The following NBPF26 variants were observed in gnomAD, a reference collection of about 807,000 sequenced individuals.
NBPF26 encodes the protein NBPF member 26, also known as NBPF family member NBPF26.
In NBPF26, 79 loss-of-function variants were observed where a neutral mutation model predicts 119.6. The ratio of observed to expected loss-of-function variants is 0.66; its 90% CI spans 0.55 to 0.80. The LOEUF is 0.80. NBPF26 is among the 30% of genes least tolerant of loss of function. NBPF26 has a pLI of 0.00. For missense variants in NBPF26, 800 were observed against 1,198.2 expected, an observed-to-expected ratio of 0.67 and a Z score of 4.91; for synonymous variants, 299 against 457.7, an observed-to-expected ratio of 0.65 and a Z score of 4.43.
rs1651826573 is a variant in NBPF26, at chr1:120,810,256, A to T, written c.1353-91A>T. On this transcript the variant is annotated intron_variant, in intron 8 of 29. Coordinates refer to ENST00000620612, the Ensembl canonical transcript of NBPF26. ...TTTTGCTTTCTGGAACCACTCTCTT[A>T]ATGCCGCCTGTCAAAACCAGCTAGG... The T allele has an allele frequency of 2.8e-6, 4 of 1,422,466 alleles. No homozygotes were observed. The South Asian group carries it at 4.7e-5, about 17-fold the overall frequency. The allele number at this position is 1,422,466 out of a possible 1,614,324, so 88.1% of individuals were successfully genotyped here.
Position 120,840,378 on chromosome 1 carries a change from GAGCCTGA to G in NBPF26, c.4135_4141del (p.Pro1379SerfsTer51), listed in dbSNP as rs1177354088. On this transcript the variant is annotated frameshift_variant, in exon 30 of 30. Coordinates refer to ENST00000620612, the Ensembl canonical transcript of NBPF26. LOFTEE classifies it low-confidence loss of function (END_TRUNC). ...CAACAGCATGCTGATGGAAGTGGAA[GAGCCTGA>G]AGTCTTGCAGGACTCACTGGATATA... 1 of 1,460,826 alleles carries G rather than the reference GAGCCTGA, an allele frequency of 6.8e-7. No individual in the cohort carries two copies. Among genetic ancestry groups the G allele is most frequent in the East Asian group, 2.3e-5 (1 of 44,242 alleles). 90.5% of individuals were successfully genotyped at this position (1,460,826 alleles called of 1,614,324 possible).
In NBPF26 at chr1:120,804,641, A is replaced by T. The variant is rs1317466749; in HGVS notation, c.752-915A>T. Reference sequence around the variant, plus strand: ...AGAGGTCTTGTGGCACTAGAATGACATCTATAAGTGACAAGTTTAAAATGT... The same window carrying T: ...AGAGGTCTTGTGGCACTAGAATGACTTCTATAAGTGACAAGTTTAAAATGT... On this transcript the variant is annotated intron_variant, in intron 4 of 29. Transcript: ENST00000620612. 2.5e-5 allele frequency among the ~76,000 whole-genome samples: 3 copies of T among 119,884 alleles called. 1 individual carries two copies. Among genetic ancestry groups the T allele is most frequent in the Non-Finnish European group, 4.9e-5 (3 of 60,888 alleles). The allele number at this position is 119,884 out of a possible 152,430, so 78.6% of individuals were successfully genotyped here.
chr1:120,823,903 T>C, intron 17 of NBPF26, 71 bp from the exon 18 acceptor site: 1 of 475,694 alleles, frequency 2.1e-6, no homozygotes, highest in Non-Finnish European at 3.7e-6. Context: ...ACATTAGCCA[T>C]GAAATCTAGC....
intron 1 of NBPF26, among the ~76,000 whole-genome samples, chr1:120,750,032 T>C (rs1189329212): frequency 2.0e-4 from 12 of 60,418 alleles, no homozygotes; most frequent in Middle Eastern, 6.0e-3. Context: ...GGTGGTTACC[T>C]ACCTGAGAAT....
At position 120,790,644 on chromosome 1, in the gene NBPF26, T is replaced by C. The variant is rs1213726380; in HGVS notation, c.416-2517T>C. On this transcript the variant is annotated intron_variant, in intron 3 of 29. Coordinates refer to ENST00000620612, the Ensembl canonical transcript of NBPF26. ...TCTGTCTTTCTTTCTTCTCACTCTG[T>C]TGCTTAGTACAGTGGCGCAGTCTCG... 1.8e-5 allele frequency among the ~76,000 whole-genome samples: 2 copies of C among 108,688 alleles called. 1 individual carries two copies. Among genetic ancestry groups the C allele is most frequent in the Non-Finnish European group, 3.4e-5 (2 of 57,984 alleles). The allele number at this position is 108,688 out of a possible 152,430, so 71.3% of individuals were successfully genotyped here. A position where few individuals can be genotyped will look rare whatever the true frequency, so the allele number is the denominator to read the frequency against.
At position 120,805,173 on chromosome 1, in the gene NBPF26, C is replaced by T. The variant is rs1338789187; in HGVS notation, c.752-383C>T. On this transcript the variant is annotated intron_variant, in intron 4 of 29. Coordinates refer to ENST00000620612, the Ensembl canonical transcript of NBPF26. ...AGAGTGAATGCTGAAGGAATGATCC[C>T]CATTGGTGGTGACCCTCAGGTGAGA... Among the ~76,000 whole-genome samples, 7 of 118,842 alleles carry T rather than the reference C, an allele frequency of 5.9e-5. 2 individuals are homozygous for T. The highest frequency in any genetic ancestry group is 4.2e-4 in the East Asian group (2 of 4,806). 78.0% of individuals were successfully genotyped at this position (118,842 alleles called of 152,430 possible). A position where few individuals can be genotyped will look rare whatever the true frequency, so the allele number is the denominator to read the frequency against.
In NBPF26 at chr1:120,752,591, G is replaced by C. The variant is rs1476227707; in HGVS notation, c.74-11037G>C. On this transcript the variant is annotated intron_variant, in intron 1 of 29. Coordinates refer to ENST00000620612, the Ensembl canonical transcript of NBPF26. ...TTTTTTTTTCTTTTTTTTTTTTTCA[G>C]GCAGAGTCTTGCTCTGTCGCCCAGG... 3.1e-3 allele frequency among the ~76,000 whole-genome samples: 35 copies of C among 11,368 alleles called. 2 individuals carry two copies. Among genetic ancestry groups the C allele is most frequent in the African/African-American group, 0.023 (30 of 1,294 alleles). The allele number at this position is 11,368 out of a possible 152,430, so 7.5% of individuals were successfully genotyped here.
rs1343289990 is a variant in NBPF26 at position 120,811,152 on chromosome 1, G to A, written c.1564+594G>A. On this transcript the variant is annotated intron_variant, in intron 9 of 29. Transcript: ENST00000620612. ...AGTCCCAGCTACTCAGGAGGCTGAG[G>A]CAGGAGAATGGCATGAACCCAGGAA... Among the ~76,000 whole-genome samples the A allele has an allele frequency of 7.5e-5, 8 of 106,942 alleles. 2 individuals carry two copies. Among genetic ancestry groups the A allele is most frequent in the Admixed American group, 1.8e-4 (2 of 11,348 alleles). 70.2% of individuals were successfully genotyped at this position (106,942 alleles called of 152,430 possible).
chr1:120,811,690 T>G (rs1213368923), intron 9 of NBPF26, among the ~76,000 whole-genome samples, 196 bp from the exon 10 acceptor site: 2 of 113,640 alleles, frequency 1.8e-5, no homozygotes, highest in Non-Finnish European at 3.4e-5. Context: ...AGTGTTTATG[T>G]CTTGGTTTCA....
At chr1:120,792,608 T>C (rs1355912811) in intron 3 of NBPF26, among the ~76,000 whole-genome samples, 1 of 109,098 alleles carries the variant, frequency 9.2e-6, no homozygotes, top group African/African-American at 5.0e-5. Context: ...TTCAAGTGAT[T>C]CTTCTGCCTC....
intron 16 of NBPF26, among the ~76,000 whole-genome samples, chr1:120,822,898 G>A (rs1325926641): frequency 8.2e-6 from 1 of 122,018 alleles, no homozygotes; most frequent in Admixed American, 7.9e-5. Flanking sequence ...TCAAGAGCTG[G>A]TACATTGCAC....
rs1213666258 is a variant in NBPF26, at chr1:120,784,884, C to T, written c.156-90C>T. The T allele has an allele frequency of 1.5e-5, 16 of 1,032,610 alleles. 6 individuals are homozygous for T. Among genetic ancestry groups the T allele is most frequent in the Non-Finnish European group, 2.2e-5 (16 of 723,894 alleles). 64.0% of individuals were successfully genotyped at this position (1,032,610 alleles called of 1,614,324 possible). ...AGGTCTGTTGATTCACAATCTCGTGCTTTCTTGATTGGACTGTATTGTTTT... is the reference window on the plus strand; with the variant it reads ...AGGTCTGTTGATTCACAATCTCGTGTTTTCTTGATTGGACTGTATTGTTTT... On this transcript the variant is annotated intron_variant, in intron 2 of 29. Coordinates refer to ENST00000620612, the Ensembl canonical transcript of NBPF26.
chr1:120,811,968 C>T lies in NBPF26; in HGVS notation c.1647C>T (p.Asn549=). Residue 549 remains asparagine, a synonymous_variant, in exon 10 of 30, where the codon AAC becomes AAT. Transcript: ENST00000620612. ...TGTCCGGCGAGAAGGCAGCGATAAA[C>T]ATTCTAGAAATCAATGAGAAATTGC... 16 of 1,236,774 alleles carry T rather than the reference C, an allele frequency of 1.3e-5. 4 individuals carry two copies. The highest frequency in any genetic ancestry group is 1.8e-5 in the Non-Finnish European group (16 of 896,740). 76.6% of individuals were successfully genotyped at this position (1,236,774 alleles called of 1,614,324 possible). A position where few individuals can be genotyped will look rare whatever the true frequency, so the allele number is the denominator to read the frequency against.
At chr1:120,782,045 C>T (rs1202122556) in intron 2 of NBPF26, among the ~76,000 whole-genome samples, 1 of 100,472 alleles carries the variant, frequency 1.0e-5, no homozygotes, top group Non-Finnish European at 1.8e-5. Flanking sequence ...GGAAGGGAGG[C>T]AGAAAATTTT....
rs1292825984 is a variant in NBPF26 at position 120,759,872 on chromosome 1, A to G, written c.74-3756A>G. ...GCAATTTTGAAATGTACAATACCCT[A>G]TTATTAACTATATTCACCACTCTAT... On this transcript the variant is annotated intron_variant, in intron 1 of 29. Transcript: ENST00000620612. 2.7e-5 allele frequency among the ~76,000 whole-genome samples: 3 copies of G among 110,044 alleles called. 1 individual carries two copies. The highest frequency in any genetic ancestry group is 2.6e-4 in the Admixed American group (3 of 11,392). The allele number at this position is 110,044 out of a possible 152,430, so 72.2% of individuals were successfully genotyped here.
chr1:120,784,143 A>G lies in NBPF26; in HGVS notation c.156-831A>G, dbSNP rs1651396288. On this transcript the variant is annotated intron_variant, in intron 2 of 29. Transcript: ENST00000620612. ...AGTGTGGGTTAAAAGAGACTTGTAT[A>G]TCTTCTAAGGTAAAAGTAAAGAACT... Among the ~76,000 whole-genome samples the G allele has an allele frequency of 1.7e-5, 2 of 118,152 alleles. 1 individual carries two copies. The highest frequency in any genetic ancestry group is 1.6e-4 in the Admixed American group (2 of 12,466). The allele number at this position is 118,152 out of a possible 152,430, so 77.5% of individuals were successfully genotyped here.
rs1268485585 is a variant in NBPF26, at chr1:120,768,651, G to C, written c.155+4942G>C. The stretch of plus-strand genomic sequence containing the variant: ...TGTAAATGTGGGTTTCATATAGTTT[G>C]CTTCGCTTTTTCTGAGGCTTATATC... On this transcript the variant is annotated intron_variant, in intron 2 of 29. Transcript: ENST00000620612. 1.9e-5 allele frequency among the ~76,000 whole-genome samples: 2 copies of C among 106,596 alleles called. 1 individual carries two copies. Among genetic ancestry groups the C allele is most frequent in the Non-Finnish European group, 3.5e-5 (2 of 57,958 alleles). 69.9% of individuals were successfully genotyped at this position (106,596 alleles called of 152,430 possible). A position where few individuals can be genotyped will look rare whatever the true frequency, so the allele number is the denominator to read the frequency against.
intron 2 of NBPF26, among the ~76,000 whole-genome samples, chr1:120,778,540 C>A (rs1651325063): frequency 3.6e-5 from 2 of 56,002 alleles, no homozygotes; most frequent in Admixed American, 1.9e-4. Context: ...CTCTCTTTTT[C>A]TTCTTGTATG....
intron 6 of NBPF26, 148 bp from the exon 7 acceptor site, chr1:120,808,397 T>A: frequency 1.5e-6 from 1 of 673,776 alleles, no homozygotes; most frequent in South Asian, 1.7e-5. Flanking sequence ...CTATTCTTTC[T>A]CTTGGCCACA....
Sources: gnomAD v4.1 joint callset for allele counts (sites outside exome capture counted in the v4.1 genomes callset) on GRCh38, gnomAD v4.1.1 for gene constraint, MANE v1.5 for transcripts, NCBI Gene and HGNC (gene_info 2026-07-23, HGNC 2026-07-21) for gene names.